ST18: variants seen among roughly 807,000 people sequenced by gnomAD.
ST18 encodes ST18 C2H2C-type zinc finger transcription factor, also known as suppression of tumorigenicity 18 protein.
In ST18, 50 loss-of-function variants were observed where a neutral mutation model predicts 110.0. The observed-to-expected ratio is 0.45, with a 90% CI of 0.36 to 0.58. The LOEUF is 0.58. ST18 is among the 20% of genes least tolerant of loss of function. The pLI is 0.00. For synonymous variants in ST18, 461 were observed against 452.4 expected (o/e 1.02, Z -0.24); for missense variants, 1,306 against 1,280.1 (o/e 1.02, Z -0.31).
At chr8:52,130,159 G>GAAAGAAAGAA (rs2048959250) in intron 22 of ST18, among the ~76,000 whole-genome samples, 1 of 148,572 alleles carries the variant, frequency 6.7e-6, no homozygotes, top group Admixed American at 6.7e-5. Flanking sequence ...AAGAAAGAAA[G>GAAAGAAAGAA]AAAGAAAAAG....
At chr8:52,229,502 G>T (rs1014347221) in intron 3 of ST18, among the ~76,000 whole-genome samples, 6 of 152,166 alleles carry the variant, frequency 3.9e-5, no homozygotes, top group African/African-American at 1.4e-4. Flanking sequence ...TGAATGGCCT[G>T]CTTCCTCCAT....
chr8:52,217,464 C>A (rs2136218827), intron 6 of ST18, among the ~76,000 whole-genome samples: 1 of 152,130 alleles, frequency 6.6e-6, no homozygotes, highest in South Asian at 2.1e-4. Flanking sequence ...GTGGTTCTTG[C>A]TCAGTCTCTA....
At chr8:52,322,013 T>G (rs1274114690) in intron 2 of ST18, among the ~76,000 whole-genome samples, 1 of 152,212 alleles carries the variant, frequency 6.6e-6, no homozygotes, top group Non-Finnish European at 1.5e-5. Context: ...CTGCCTTCCC[T>G]CCCATCCATA....
intron 8 of ST18, among the ~76,000 whole-genome samples, chr8:52,209,770 C>CA (rs1172620781): frequency 0.11 from 8,147 of 71,564 alleles, 820 homozygotes; most frequent in South Asian, 0.18. Flanking sequence ...AACTCCATCT[C>CA]AAAAAAAAAA....
intron 2 of ST18, among the ~76,000 whole-genome samples, chr8:52,303,232 G>T (rs62499823): frequency 0.13 from 20,291 of 152,258 alleles, 1,593 homozygotes; most frequent in Middle Eastern, 0.25. Context: ...GAAGGACACT[G>T]CCTTGCCATT....
At chr8:52,132,746 T>C (rs1260543289) in intron 21 of ST18, among the ~76,000 whole-genome samples, 1 of 152,190 alleles carries the variant, frequency 6.6e-6, no homozygotes, top group East Asian at 1.9e-4. Context: ...AAAATTAAAG[T>C]TTCGGGGGAA....
intron 2 of ST18, among the ~76,000 whole-genome samples, chr8:52,337,569 C>T (rs980072788): frequency 5.9e-5 from 9 of 152,222 alleles, no homozygotes; most frequent in African/African-American, 2.2e-4. Flanking sequence ...ATTACTTAGT[C>T]TCTCCCATGT....
intron 2 of ST18, among the ~76,000 whole-genome samples, chr8:52,231,669 G>T (rs1352541937): frequency 1.3e-5 from 2 of 152,142 alleles, no homozygotes; most frequent in Admixed American, 6.5e-5. Context: ...TAAAAATGGG[G>T]TTTCACCATG....
chr8:52,321,777 T>C (rs994839125), intron 2 of ST18, among the ~76,000 whole-genome samples: 11 of 152,188 alleles, frequency 7.2e-5, no homozygotes, highest in African/African-American at 2.4e-4. Flanking sequence ...TTTAAGTATG[T>C]TTTTTAAAAT....
chr8:52,183,524 G>A (rs754284080), intron 8 of ST18, among the ~76,000 whole-genome samples: 8 of 152,188 alleles, frequency 5.3e-5, no homozygotes, highest in Admixed American at 2.0e-4. Context: ...AAGAGTATGT[G>A]AAATCACTTA....
Position 52,204,992 on chromosome 8 carries a change from C to T in ST18, c.86+7087G>A, listed in dbSNP as rs115895417. Among the ~76,000 whole-genome samples, 1,447 of 151,930 alleles carry T rather than the reference C, an allele frequency of 9.5e-3. 24 individuals carry two copies. The highest frequency in any genetic ancestry group is 0.033 in the African/African-American group (1,355 of 41,408). On this transcript the variant is annotated intron_variant, in intron 8 of 25. Coordinates refer to ENST00000689386, the MANE Select transcript of ST18 (RefSeq NM_001352837.2). The stretch of plus-strand genomic sequence containing the variant: ...TCTACGGACATTTATTCATTAGCTC[C>T]GTAGTATTTTTCTAAAATACAGATA...
At chr8:52,162,482 T>A (rs140414148) in intron 13 of ST18, among the ~76,000 whole-genome samples, 66 of 152,278 alleles carry the variant, frequency 4.3e-4, no homozygotes, top group Middle Eastern at 3.4e-3. Context: ...GCTTTTCACC[T>A]TTTTTCCCTG....
intron 2 of ST18, among the ~76,000 whole-genome samples, chr8:52,295,519 G>A (rs1164670407): frequency 6.6e-6 from 1 of 151,852 alleles, no homozygotes; most frequent in Non-Finnish European, 1.5e-5. Flanking sequence ...GAATTATGAA[G>A]CCTTTTGAAA....
At chr8:52,372,004 C>T (rs1830438793) in intron 2 of ST18, among the ~76,000 whole-genome samples, 2 of 152,100 alleles carry the variant, frequency 1.3e-5, no homozygotes, top group Admixed American at 1.3e-4. Flanking sequence ...AAGTTAACTA[C>T]ATAATAGCCT....
intron 2 of ST18, among the ~76,000 whole-genome samples, chr8:52,319,205 A>T (rs1044413136): frequency 2.6e-5 from 4 of 152,158 alleles, no homozygotes; most frequent in African/African-American, 9.7e-5. Context: ...AGTTCAGGAG[A>T]ATATGATCCA....
intron 2 of ST18, among the ~76,000 whole-genome samples, chr8:52,283,384 G>T (rs2095418495): frequency 6.6e-6 from 1 of 152,184 alleles, no homozygotes; most frequent in South Asian, 2.1e-4. Context: ...TTGCAAGACT[G>T]CTTATGAGAT....
chr8:52,396,058 G>A (rs938531643), intron 2 of ST18, among the ~76,000 whole-genome samples: 78 of 152,010 alleles, frequency 5.1e-4, no homozygotes, highest in African/African-American at 1.8e-3. Context: ...GGTTTACAAC[G>A]TGATATTATA....
chr8:52,204,231 A>G (rs2079085865), intron 8 of ST18, among the ~76,000 whole-genome samples: 1 of 152,240 alleles, frequency 6.6e-6, no homozygotes, highest in Non-Finnish European at 1.5e-5. Flanking sequence ...CCAAGAATTC[A>G]TAGATCAAGA....
intron 2 of ST18, among the ~76,000 whole-genome samples, chr8:52,242,211 T>A (rs189575190): frequency 6.6e-6 from 1 of 152,228 alleles, no homozygotes; most frequent in Non-Finnish European, 1.5e-5. Context: ...AAAATAAATA[T>A]TACAGTGTGT....
Sources: allele counts gnomAD v4.1 joint callset (sites outside exome capture counted in the v4.1 genomes callset), GRCh38; gene constraint gnomAD v4.1.1; transcripts MANE v1.5; gene names NCBI Gene and HGNC (gene_info 2026-07-23, HGNC 2026-07-21).